BMP7: variants seen among roughly 807,000 people sequenced by gnomAD.
BMP7 encodes the protein bone morphogenetic protein 7.
BMP7 carries 12 observed loss-of-function variants against 41.2 expected under a neutral mutation model. The ratio of observed to expected loss-of-function variants is 0.29; its 90% confidence interval spans 0.19 to 0.47. BMP7 has a LOEUF of 0.47. Among genes scored for constraint, BMP7 ranks in the 20% least tolerant of loss-of-function variants. The pLI is 0.99. For missense variants in BMP7, 467 were observed against 606.0 expected, an observed-to-expected ratio of 0.77 and a Z score of 2.41; for synonymous variants, 248 against 250.0, an observed-to-expected ratio of 0.99 and a Z score of 0.07.
rs905543167 is a variant in BMP7 at position 57,171,589 on chromosome 20, T to A, written c.1147-481A>T. 2.0e-5 allele frequency among the ~76,000 whole-genome samples: 3 copies of A among 152,112 alleles called. No homozygotes were observed. Among genetic ancestry groups the A allele is most frequent in the Non-Finnish European group, 4.4e-5 (3 of 68,024 alleles). On this transcript the variant is annotated intron_variant, in intron 6 of 6. Coordinates refer to ENST00000395863, the MANE Select transcript of BMP7 (RefSeq NM_001719.3). The surrounding 1 kb of genome is among the most constrained non-coding windows in gnomAD (Gnocchi z 4.5). ...ACCGAGGTAAGACAATAGGGAATAGTGGGGACTAAGGCAAACTAAGGGAAG... is the reference window on the plus strand; with the variant it reads ...ACCGAGGTAAGACAATAGGGAATAGAGGGGACTAAGGCAAACTAAGGGAAG...
At chr20:57,251,319 G>T (rs914345760) in intron 1 of BMP7, among the ~76,000 whole-genome samples, 3 of 152,212 alleles carry the variant, frequency 2.0e-5, no homozygotes, top group African/African-American at 7.2e-5. Flanking sequence ...GGGCAGAGCG[G>T]TGGGGGCTCT....
At chr20:57,255,001 G>A (rs1262989051) in intron 1 of BMP7, among the ~76,000 whole-genome samples, 2 of 152,238 alleles carry the variant, frequency 1.3e-5, no homozygotes, top group Admixed American at 1.3e-4. Flanking sequence ...CATAAAGACC[G>A]AGGAGAGGGG....
chr20:57,202,132 A>C lies in BMP7; in HGVS notation c.760+343T>G, dbSNP rs557749830. ...AGAATGTCCTGTGTCCTGTGGTGTCACCTTGGGGCTCTAGTTAAAGTGCAG... is the reference window on the plus strand; with the variant it reads ...AGAATGTCCTGTGTCCTGTGGTGTCCCCTTGGGGCTCTAGTTAAAGTGCAG... On this transcript the variant is annotated intron_variant, in intron 3 of 6. Transcript: ENST00000395863. 2.0e-5 allele frequency among the ~76,000 whole-genome samples: 3 copies of C among 152,182 alleles called. No individual in the cohort carries two copies. The South Asian group carries it at 6.2e-4, about 32-fold the overall frequency.
intron 1 of BMP7, among the ~76,000 whole-genome samples, chr20:57,251,220 A>G (rs1464102715): frequency 6.6e-6 from 1 of 152,104 alleles, no homozygotes; most frequent in East Asian, 1.9e-4. Flanking sequence ...GGATCTTCAC[A>G]GCAGCCCAGG....
chr20:57,188,242 T>G (rs952913592), intron 3 of BMP7, among the ~76,000 whole-genome samples: 12 of 152,184 alleles, frequency 7.9e-5, no homozygotes, highest in African/African-American at 2.9e-4. Context: ...ATATGGTGAA[T>G]CCATATAGTG....
intron 2 of BMP7, among the ~76,000 whole-genome samples, chr20:57,212,052 A>G (rs1435821969): frequency 6.6e-6 from 1 of 152,178 alleles, no homozygotes; most frequent in Non-Finnish European, 1.5e-5. Flanking sequence ...GCAGCCAGAG[A>G]TGGAGCTCCG....
chr20:57,209,277 A>ATT (rs1289355687), intron 2 of BMP7, among the ~76,000 whole-genome samples: 2 of 136,716 alleles, frequency 1.5e-5, no homozygotes, highest in Non-Finnish European at 3.1e-5. Flanking sequence ...ATATATATAT[A>ATT]TATATATATG....
chr20:57,216,574 GGGCTGTCTCTT>G (rs1176043243), intron 2 of BMP7, among the ~76,000 whole-genome samples: 2 of 151,712 alleles, frequency 1.3e-5, no homozygotes, highest in South Asian at 2.1e-4. Context: ...TGAGGGTGAG[GGGCTGTCTCTT>G]GAGGGCGAGG....
At chr20:57,186,954 A>G (rs1984226826) in intron 3 of BMP7, 1 of 152,252 alleles carries the variant, frequency 6.6e-6, no homozygotes, top group Admixed American at 6.5e-5. Context: ...AGAAACCATT[A>G]AAGCTGAGCC....
At chr20:57,236,763 T>TAAAA (rs36018016) in intron 1 of BMP7, among the ~76,000 whole-genome samples, 2 of 141,896 alleles carry the variant, frequency 1.4e-5, no homozygotes, top group Non-Finnish European at 3.1e-5. Flanking sequence ...CAGCCATGCA[T>TAAAA]AAAAAAAAAA....
intron 3 of BMP7, among the ~76,000 whole-genome samples, chr20:57,184,372 C>A (rs971942923): frequency 6.6e-6 from 1 of 152,254 alleles, no homozygotes; most frequent in South Asian, 2.1e-4. Context: ...GAGCAGAGAT[C>A]TGGGTAACAG....
intron 1 of BMP7, among the ~76,000 whole-genome samples, chr20:57,257,824 C>CAAAAAAAAA (rs139904463): frequency 9.7e-6 from 1 of 103,268 alleles, no homozygotes; most frequent in African/African-American, 3.6e-5. Flanking sequence ...CACAAGCCAC[C>CAAAAAAAAA]AAAAAAAAAA....
At chr20:57,260,041 T>C (rs1275033288) in intron 1 of BMP7, among the ~76,000 whole-genome samples, 1 of 152,164 alleles carries the variant, frequency 6.6e-6, no homozygotes, top group Non-Finnish European at 1.5e-5. Flanking sequence ...TGGGATCATT[T>C]GCAGTGAACA....
rs1392659588 is a variant in BMP7, at chr20:57,213,443, A to G, written c.612-10820T>C. Among the ~76,000 whole-genome samples the G allele has an allele frequency of 6.6e-6, 1 of 152,218 alleles. No individual in the cohort carries two copies. Among genetic ancestry groups the G allele is most frequent in the Non-Finnish European group, 1.5e-5 (1 of 68,038 alleles). On this transcript the variant is annotated intron_variant, in intron 2 of 6. Transcript: ENST00000395863. The surrounding 1 kb of genome is among the most constrained non-coding windows in gnomAD (Gnocchi z 4.4). ...AAATGAGGTTGGGAAGCACCACATG[A>G]CACATTGCTCCTTAGAGATGTCATA...
intron 1 of BMP7, among the ~76,000 whole-genome samples, chr20:57,263,253 AAGCC>A (rs1347823874): frequency 2.0e-5 from 3 of 152,228 alleles, no homozygotes; most frequent in Non-Finnish European, 4.4e-5. Flanking sequence ...ACAAAGCCCA[AAGCC>A]AGCCTGACTG....
In BMP7 at chr20:57,226,380, A is replaced by G. The variant is rs138075618; in HGVS notation, c.611+1849T>C. ...CTGCTCAGCAGTGTCTACCAAAGCC[A>G]CCCATGTGTGGGCCCTCTGACCCCA... On this transcript the variant is annotated intron_variant, in intron 2 of 6. Transcript: ENST00000395863. 4.8e-3 allele frequency among the ~76,000 whole-genome samples: 734 copies of G among 152,312 alleles called. 3 individuals carry two copies. The highest frequency in any genetic ancestry group is 0.017 in the African/African-American group (694 of 41,574).
At chr20:57,250,147 T>C (rs1388633728) in intron 1 of BMP7, among the ~76,000 whole-genome samples, 1 of 151,906 alleles carries the variant, frequency 6.6e-6, no homozygotes, top group African/African-American at 2.4e-5. Context: ...AATGAAGAAA[T>C]GGGCCAGGTG....
intron 2 of BMP7, among the ~76,000 whole-genome samples, chr20:57,208,802 T>C (rs1367717409): frequency 6.6e-6 from 1 of 152,204 alleles, no homozygotes; most frequent in Non-Finnish European, 1.5e-5. Flanking sequence ...TTGAAATCAT[T>C]ATGCTAAGAA....
chr20:57,239,283 G>A (rs1034763573), intron 1 of BMP7, among the ~76,000 whole-genome samples: 7 of 152,198 alleles, frequency 4.6e-5, no homozygotes, highest in South Asian at 4.1e-4. Context: ...ATGCAAGTTC[G>A]AAATTCAGCA....
Sources: gnomAD v4.1 joint callset for allele counts (sites outside exome capture counted in the v4.1 genomes callset) on GRCh38, gnomAD v4.1.1 for gene constraint, Gnocchi (gnomAD v3.1) non-coding constraint, MANE v1.5 for transcripts, NCBI Gene and HGNC (gene_info 2026-07-23, HGNC 2026-07-21) for gene names.